The following SLC17A5 variants were observed in gnomAD, a reference collection of about 807,000 sequenced individuals.
The protein encoded by SLC17A5 is sialin.
In SLC17A5, 47 loss-of-function variants were observed where a neutral mutation model predicts 59.4. That is an observed-to-expected ratio of 0.79 (90% CI 0.63 to 1.01). The LOEUF (loss-of-function observed/expected upper bound fraction) is 1.01. Ranked by LOEUF, SLC17A5 falls within the 50% of genes least tolerant of loss-of-function variation. The probability of loss-of-function intolerance (pLI) is 0.00; values close to 1 mark genes in which losing one functional copy is unlikely to be tolerated. For synonymous variants in SLC17A5, 202 were observed against 210.7 expected (o/e 0.96, Z 0.36); for missense variants, 522 against 595.5 (o/e 0.88, Z 1.28).
At chr6:73,603,715 T>C (rs1406909640) in intron 9 of SLC17A5, among the ~76,000 whole-genome samples, 1 of 152,118 alleles carries the variant, frequency 6.6e-6, no homozygotes, top group East Asian at 1.9e-4. Flanking sequence ...CCACTGCGCC[T>C]GGCCTAAAAT....
At chr6:73,651,219 G>C (rs778365963) in intron 1 of SLC17A5, among the ~76,000 whole-genome samples, 9 of 152,074 alleles carry the variant, frequency 5.9e-5, no homozygotes, top group Non-Finnish European at 1.3e-4. Context: ...CCAGCACTTT[G>C]GGAGGCCAAG....
At chr6:73,636,391 T>C (rs914764695) in intron 5 of SLC17A5, among the ~76,000 whole-genome samples, 3 of 152,094 alleles carry the variant, frequency 2.0e-5, no homozygotes, top group Admixed American at 2.0e-4. Context: ...AATGTACTAT[T>C]TAAGTACAGG....
At chr6:73,650,034 AG>A (rs1769771148) in intron 1 of SLC17A5, among the ~76,000 whole-genome samples, 1 of 152,014 alleles carries the variant, frequency 6.6e-6, no homozygotes, top group Non-Finnish European at 1.5e-5. Context: ...ATGACAAAGA[AG>A]GGGGCAAGGG....
At chr6:73,641,438 C>A (rs927465208) in intron 3 of SLC17A5, among the ~76,000 whole-genome samples, 1 of 152,128 alleles carries the variant, frequency 6.6e-6, no homozygotes, top group Non-Finnish European at 1.5e-5. Flanking sequence ...GCTATGAAGT[C>A]TCTTTTGGAA....
chr6:73,598,636 A>C (rs746214563), intron 10 of SLC17A5, among the ~76,000 whole-genome samples: 10 of 152,130 alleles, frequency 6.6e-5, no homozygotes, highest in Non-Finnish European at 1.5e-4. Flanking sequence ...TCTCAAAAAG[A>C]AGAAAGAAAT....
At chr6:73,653,726 C>A in intron 1 of SLC17A5, 67 bp downstream of exon 1, 1 of 1,435,178 alleles carries the variant, frequency 7.0e-7, no homozygotes, top group South Asian at 1.2e-5. Context: ...CGGGCCATGC[C>A]GGCCCAGAGA....
intron 1 of SLC17A5, 71 bp downstream of exon 1, chr6:73,653,722 A>T: frequency 2.1e-6 from 3 of 1,412,418 alleles, no homozygotes; most frequent in Non-Finnish European, 2.9e-6. Flanking sequence ...TACCCGGGCC[A>T]TGCCGGCCCA....
rs1386804704 is a variant in SLC17A5, at chr6:73,626,081, T to A, written c.820-4119A>T. Among the ~76,000 whole-genome samples the A allele has an allele frequency of 2.0e-5, 3 of 152,210 alleles. No individual in the cohort carries two copies. The East Asian group carries it at 5.8e-4, about 29-fold the overall frequency. ...CTGAAAGGTACAAGTGTAAATGTATTTGATCTCTGAAAACTGAATGTATTC... is the reference window on the plus strand; with the variant it reads ...CTGAAAGGTACAAGTGTAAATGTATATGATCTCTGAAAACTGAATGTATTC... On this transcript the variant is annotated intron_variant, in intron 6 of 10. Coordinates refer to ENST00000355773, the MANE Select transcript of SLC17A5 (RefSeq NM_012434.5).
chr6:73,601,227 T>C (rs1767063305), intron 9 of SLC17A5, among the ~76,000 whole-genome samples: 1 of 138,772 alleles, frequency 7.2e-6, no homozygotes, highest in South Asian at 2.4e-4. Context: ...CGCCTCTGCC[T>C]GGCCCCGACC....
chr6:73,649,637 C>T (rs1343114130), intron 1 of SLC17A5, among the ~76,000 whole-genome samples: 2 of 152,152 alleles, frequency 1.3e-5, no homozygotes, highest in Non-Finnish European at 1.5e-5. Flanking sequence ...ATTTTCTATA[C>T]GCTTGGCACT....
intron 5 of SLC17A5, among the ~76,000 whole-genome samples, chr6:73,636,079 G>C (rs1252836326): frequency 1.3e-5 from 2 of 151,880 alleles, no homozygotes; most frequent in Non-Finnish European, 2.9e-5. Flanking sequence ...TGCCTATCAG[G>C]GTCTACCAGA....
chr6:73,644,491 A>G lies in SLC17A5; in HGVS notation c.207T>C (p.Asp69=), dbSNP rs978761969. 6.2e-7 allele frequency: 1 copy of G among 1,613,932 alleles called. No homozygotes were observed. The highest frequency in any genetic ancestry group is 8.5e-7 in the Non-Finnish European group (1 of 1,179,944). ...TATTATCTTCTAAAGTTGTATTTGA[A>G]TCTACCATATCCACTAACGCAACAC... The part of the protein sequence containing the change: ...NLSVALVDMV[D]SNTTLEDNRT... Residue 69 remains aspartate, a synonymous_variant, in exon 2 of 11, where the codon GAT becomes GAC. Coordinates refer to ENST00000355773, the MANE Select transcript of SLC17A5 (RefSeq NM_012434.5).
intron 9 of SLC17A5, among the ~76,000 whole-genome samples, chr6:73,605,045 A>C (rs543005967): frequency 6.6e-6 from 1 of 151,864 alleles, no homozygotes; most frequent in African/African-American, 2.4e-5. Context: ...CGATCTTGCT[A>C]TATTGCCCAG....
intron 6 of SLC17A5, among the ~76,000 whole-genome samples, chr6:73,625,040 T>C (rs1268569058): frequency 6.6e-6 from 1 of 152,210 alleles, no homozygotes; most frequent in African/African-American, 2.4e-5. Flanking sequence ...GCAATCTATG[T>C]TTCTGCCTTC....
At chr6:73,645,754 C>A (rs1401658488) in intron 1 of SLC17A5, among the ~76,000 whole-genome samples, 1 of 143,044 alleles carries the variant, frequency 7.0e-6, no homozygotes, top group Non-Finnish European at 1.5e-5. Context: ...CGCCACTGCA[C>A]TCCAGCCTGG....
chr6:73,623,282 A>C (rs1703465), intron 6 of SLC17A5, among the ~76,000 whole-genome samples: 1 of 151,626 alleles, frequency 6.6e-6, no homozygotes, highest in Admixed American at 6.6e-5. Flanking sequence ...CAGGTGATCC[A>C]CCTGCCTTGG....
chr6:73,632,966 A>T (rs1234411808), intron 6 of SLC17A5, among the ~76,000 whole-genome samples: 2 of 152,056 alleles, frequency 1.3e-5, no homozygotes, highest in East Asian at 3.9e-4. Flanking sequence ...AACATCAGGT[A>T]GGACTCTAAA....
intron 1 of SLC17A5, chr6:73,653,499 CCCCCG>C: frequency 2.4e-6 from 2 of 848,194 alleles, no homozygotes; most frequent in Non-Finnish European, 2.7e-6. Flanking sequence ...CACCGCCGCT[CCCCCG>C]CCCCCGCCCC....
intron 2 of SLC17A5, among the ~76,000 whole-genome samples, chr6:73,643,242 C>T (rs1769372646): frequency 6.6e-6 from 1 of 151,502 alleles, no homozygotes; most frequent in Non-Finnish European, 1.5e-5. Flanking sequence ...TCACTGCAGG[C>T]TCCACCCCTT....
Sources: gnomAD v4.1 joint callset for allele counts (sites outside exome capture counted in the v4.1 genomes callset) on GRCh38, gnomAD v4.1.1 for gene constraint, MANE v1.5 for transcripts, NCBI Gene and HGNC (gene_info 2026-07-23, HGNC 2026-07-21) for gene names.